The following NARS2 variants were observed in gnomAD, a reference collection of about 807,000 sequenced individuals.
NARS2 encodes the protein asparaginyl-tRNA synthetase 2, mitochondrial, also known as asparaginyl-tRNA synthetase.
NARS2 carries 60 observed loss-of-function variants against 62.9 expected under a neutral mutation model. The observed-to-expected ratio is 0.95, with a 90% confidence interval of 0.77 to 1.18. The LOEUF is 1.18. NARS2 is among the 50% of genes most tolerant of loss of function. The pLI is 0.00. For synonymous variants in NARS2, 196 were observed against 200.0 expected, an observed-to-expected ratio of 0.98 and a Z score of 0.17; for missense variants, 619 against 576.4, an observed-to-expected ratio of 1.07 and a Z score of -0.76.
intron 9 of NARS2, among the ~76,000 whole-genome samples, chr11:78,471,456 AATGT>A (rs776867861): frequency 1.5e-3 from 234 of 152,346 alleles, no homozygotes; most frequent in Admixed American, 2.6e-3. Flanking sequence ...TAATTTTTGT[AATGT>A]ATTATACAAA....
chr11:78,506,011 A>G (rs773726300), intron 6 of NARS2, among the ~76,000 whole-genome samples: 1 of 152,188 alleles, frequency 6.6e-6, no homozygotes, highest in Non-Finnish European at 1.5e-5. Flanking sequence ...CCAATAATAA[A>G]ACAAACAACC....
At chr11:78,558,016 T>C (rs1361950932) in intron 5 of NARS2, among the ~76,000 whole-genome samples, 2 of 152,024 alleles carry the variant, frequency 1.3e-5, no homozygotes, top group African/African-American at 2.4e-5. Context: ...TACCTTTTTT[T>C]CCCAGCCATT....
At chr11:78,554,942 C>T (rs184699903) in intron 5 of NARS2, among the ~76,000 whole-genome samples, 1 of 152,298 alleles carries the variant, frequency 6.6e-6, no homozygotes, top group Non-Finnish European at 1.5e-5. Flanking sequence ...TATGTTCCTT[C>T]AATATCTAGT....
At chr11:78,569,938 C>T (rs1036288243) in intron 2 of NARS2, among the ~76,000 whole-genome samples, 1 of 152,174 alleles carries the variant, frequency 6.6e-6, no homozygotes, top group East Asian at 1.9e-4. Flanking sequence ...CCTGTAATCC[C>T]AGCACCTTGG....
At chr11:78,467,905 T>A (rs1034668867) in intron 10 of NARS2, among the ~76,000 whole-genome samples, 1 of 152,092 alleles carries the variant, frequency 6.6e-6, no homozygotes, top group Non-Finnish European at 1.5e-5. Flanking sequence ...TGGAGGGCTG[T>A]AGTCGATCAT....
intron 6 of NARS2, among the ~76,000 whole-genome samples, chr11:78,494,294 C>A (rs921574395): frequency 6.6e-6 from 1 of 152,138 alleles, no homozygotes; most frequent in Non-Finnish European, 1.5e-5. Context: ...TTCTTGAGGA[C>A]TTAATCTTTA....
intron 12 of NARS2, 70 bp downstream of exon 12, chr11:78,443,591 A>G: frequency 9.2e-7 from 1 of 1,087,272 alleles, no homozygotes; most frequent in Non-Finnish European, 1.4e-6. Flanking sequence ...CTCTGTTACT[A>G]TGCAATGACC....
chr11:78,552,518 A>T (rs545911456), intron 5 of NARS2, among the ~76,000 whole-genome samples: 1 of 152,304 alleles, frequency 6.6e-6, no homozygotes, highest in African/African-American at 2.4e-5. Context: ...TCACTAAGCT[A>T]AAGGGAAAAG....
At chr11:78,465,631 C>T (rs1182170825) in intron 11 of NARS2, among the ~76,000 whole-genome samples, 1 of 152,162 alleles carries the variant, frequency 6.6e-6, no homozygotes, top group African/African-American at 2.4e-5. Flanking sequence ...CATAACAAAA[C>T]GAAACAAAGA....
intron 7 of NARS2, among the ~76,000 whole-genome samples, chr11:78,483,608 G>A (rs1317744994): frequency 6.6e-6 from 1 of 152,106 alleles, no homozygotes; most frequent in African/African-American, 2.4e-5. Flanking sequence ...GACAAGCAGA[G>A]AGCCAAATCA....
At chr11:78,521,698 G>A (rs1476625046) in intron 6 of NARS2, among the ~76,000 whole-genome samples, 1 of 147,620 alleles carries the variant, frequency 6.8e-6, no homozygotes, top group East Asian at 2.0e-4. Context: ...GCTGAGGCAG[G>A]AGAATGGCGT....
intron 11 of NARS2, among the ~76,000 whole-genome samples, chr11:78,461,808 C>T (rs1858410138): frequency 6.9e-6 from 1 of 145,418 alleles, no homozygotes; most frequent in Non-Finnish European, 1.5e-5. Context: ...AAAAAATTAG[C>T]CGGGTGTGGT....
Position 78,504,226 on chromosome 11 carries a change from G to GAAACT in NARS2, c.690-11036_690-11032dup, listed in dbSNP as rs1376265167. On this transcript the variant is annotated intron_variant, in intron 6 of 13. Transcript: ENST00000281038. ...AGCCCAGAATAATTACCCAGTTGAA[G>GAAACT]AAACTAAATAAAAGTCCCTAAAGAA... Among the ~76,000 whole-genome samples, 22 of 152,266 alleles carry GAAACT rather than the reference G, an allele frequency of 1.4e-4. No individual in the cohort carries two copies. The East Asian group carries it at 4.2e-3, about 29-fold the overall frequency.
intron 6 of NARS2, 78 bp from the exon 7 acceptor site, chr11:78,493,273 ACGG>A: frequency 7.0e-7 from 1 of 1,425,870 alleles, no homozygotes; most frequent in Non-Finnish European, 9.6e-7. Context: ...GTGAGCTCTT[ACGG>A]AAAATAAAGT....
At chr11:78,535,052 TA>T (rs1313826365) in intron 5 of NARS2, among the ~76,000 whole-genome samples, 4 of 152,216 alleles carry the variant, frequency 2.6e-5, no homozygotes, top group African/African-American at 9.6e-5. Context: ...CTTTCACATA[TA>T]AAAGTATTAT....
chr11:78,538,741 A>T (rs1855477782), intron 5 of NARS2, among the ~76,000 whole-genome samples: 1 of 151,882 alleles, frequency 6.6e-6, no homozygotes, highest in African/African-American at 2.4e-5. Flanking sequence ...CACGCCTGTA[A>T]TCCCAGCACT....
At chr11:78,460,332 C>T (rs1039725268) in intron 11 of NARS2, among the ~76,000 whole-genome samples, 8 of 150,582 alleles carry the variant, frequency 5.3e-5, no homozygotes, top group Middle Eastern at 3.4e-3. Context: ...GTCCGGAACT[C>T]CTGGGATCAA....
chr11:78,468,977 T>C (rs1030607636), intron 10 of NARS2, among the ~76,000 whole-genome samples: 4 of 152,086 alleles, frequency 2.6e-5, no homozygotes, highest in African/African-American at 9.7e-5. Flanking sequence ...AGAATTTTCA[T>C]CTTCCTAAAC....
At chr11:78,478,316 T>A (rs753595641) in intron 9 of NARS2, 122 bp downstream of exon 9, 1 of 322,742 alleles carries the variant, frequency 3.1e-6, no homozygotes, top group Non-Finnish European at 5.4e-6. Flanking sequence ...ATATAATATG[T>A]CTATATATAT....
Sources: allele counts gnomAD v4.1 joint callset (sites outside exome capture counted in the v4.1 genomes callset), GRCh38; gene constraint gnomAD v4.1.1; transcripts MANE v1.5; gene names NCBI Gene and HGNC (gene_info 2026-07-23, HGNC 2026-07-21).